The following NUP88 variants were observed in gnomAD, a reference collection of about 807,000 sequenced individuals.
The protein encoded by NUP88 is nucleoporin 88, also known as nuclear pore complex protein Nup88.
In NUP88, 57 loss-of-function variants were observed where a neutral mutation model predicts 93.9. The observed-to-expected ratio is 0.61, with a 90% CI of 0.49 to 0.76. The LOEUF (loss-of-function observed/expected upper bound fraction) is 0.76, where lower values mean the gene tolerates loss of function less well. NUP88 is among the 30% of genes least tolerant of loss of function. The probability of loss-of-function intolerance (pLI) is 0.00; values close to 1 mark genes in which losing one functional copy is unlikely to be tolerated. For synonymous variants in NUP88, 346 were observed against 336.8 expected (o/e 1.03, Z -0.30); for missense variants, 911 against 901.0 (o/e 1.01, Z -0.14).
intron 3 of NUP88, among the ~76,000 whole-genome samples, chr17:5,413,355 G>C (rs1386674980): frequency 6.6e-6 from 1 of 152,238 alleles, no homozygotes; most frequent in East Asian, 1.9e-4. Flanking sequence ...ACATCATTAA[G>C]GGGTGAGTCA....
intron 9 of NUP88, 94 bp from the exon 10 acceptor site, chr17:5,391,756 G>T: frequency 2.0e-6 from 2 of 988,820 alleles, no homozygotes; most frequent in East Asian, 2.6e-5. Flanking sequence ...CTCAGGCCTG[G>T]GCTGAAGTTG....
intron 4 of NUP88, among the ~76,000 whole-genome samples, chr17:5,409,923 T>G (rs1267336400): frequency 1.3e-5 from 2 of 152,098 alleles, no homozygotes; most frequent in African/African-American, 4.8e-5. Context: ...GTGCTTAATG[T>G]CTGTGGAATG....
At chr17:5,391,334 G>A in intron 10 of NUP88, 1 of 454,152 alleles carries the variant, frequency 2.2e-6, no homozygotes, top group Non-Finnish European at 4.0e-6. Context: ...CTGAAGAAAA[G>A]CTCCTGACTC....
intron 10 of NUP88, among the ~76,000 whole-genome samples, chr17:5,390,162 T>TG (rs1912320655): frequency 1.3e-5 from 1 of 74,892 alleles, no homozygotes; most frequent in Non-Finnish European, 2.5e-5. Flanking sequence ...AAACTCCGTC[T>TG]CAAAAAAAAA....
intron 5 of NUP88, among the ~76,000 whole-genome samples, chr17:5,407,818 T>C (rs1451451705): frequency 6.6e-6 from 1 of 152,230 alleles, no homozygotes; most frequent in Non-Finnish European, 1.5e-5. Flanking sequence ...TTTGTTGTTA[T>C]CTACTGTGTT....
chr17:5,415,571 A>G (rs1463627531), intron 2 of NUP88, among the ~76,000 whole-genome samples: 1 of 152,230 alleles, frequency 6.6e-6, no homozygotes, highest in African/African-American at 2.4e-5. Flanking sequence ...TCTACCTTAT[A>G]CAGATGATCC....
chr17:5,412,634 C>A (rs1238823872), intron 3 of NUP88, among the ~76,000 whole-genome samples: 1 of 151,954 alleles, frequency 6.6e-6, no homozygotes, highest in Non-Finnish European at 1.5e-5. Flanking sequence ...GGAAGTTCAA[C>A]ACTGCCCTCC....
intron 7 of NUP88, among the ~76,000 whole-genome samples, chr17:5,399,959 T>C (rs1165346123): frequency 6.6e-6 from 1 of 152,138 alleles, no homozygotes; most frequent in Non-Finnish European, 1.5e-5. Context: ...ACGTTATGTT[T>C]ACACTATGCA....
chr17:5,411,518 C>T (rs1419654363), intron 3 of NUP88, among the ~76,000 whole-genome samples: 1 of 148,776 alleles, frequency 6.7e-6, no homozygotes, highest in African/African-American at 2.5e-5. Context: ...GAGCTGGAGG[C>T]TGGAGTGAGC....
intron 8 of NUP88, among the ~76,000 whole-genome samples, chr17:5,398,879 C>CCG (rs1382523910): frequency 1.0e-4 from 15 of 148,496 alleles, no homozygotes; most frequent in African/African-American, 2.5e-4. Flanking sequence ...GCATGAGCCA[C>CCG]TGCACCCAGC....
Position 5,402,886 on chromosome 17 carries a change from C to T in NUP88, c.1192+1213G>A, listed in dbSNP as rs774541886. On this transcript the variant is annotated intron_variant, in intron 7 of 16. Transcript: ENST00000573584. The stretch of plus-strand genomic sequence containing the variant: ...GTGCACACCTGTAGTCCCAGCTACT[C>T]CAGAGGCTGAGGTGAGAGGATTGCT... Among the ~76,000 whole-genome samples, 27 of 151,850 alleles carry T rather than the reference C, an allele frequency of 1.8e-4. 1 individual carries two copies. The highest frequency in any genetic ancestry group is 1.6e-4 in the Non-Finnish European group (11 of 67,918).
chr17:5,393,685 C>T (rs1052971706), intron 9 of NUP88, among the ~76,000 whole-genome samples: 7 of 152,222 alleles, frequency 4.6e-5, no homozygotes, highest in Middle Eastern at 3.4e-3. Context: ...ATCCACCCAC[C>T]TCGATCTCCC....
At chr17:5,402,464 A>G (rs927857184) in intron 7 of NUP88, among the ~76,000 whole-genome samples, 12 of 152,228 alleles carry the variant, frequency 7.9e-5, no homozygotes, top group Admixed American at 2.6e-4. Context: ...CATCTATAAA[A>G]TTCTTAGACA....
chr17:5,406,742 C>T (rs1235295415), intron 5 of NUP88, among the ~76,000 whole-genome samples: 1 of 150,504 alleles, frequency 6.6e-6, no homozygotes, highest in Non-Finnish European at 1.5e-5. Flanking sequence ...AGAAAATACA[C>T]TAACAATACG....
intron 7 of NUP88, among the ~76,000 whole-genome samples, chr17:5,403,712 T>C (rs138654072): frequency 1.6e-4 from 25 of 152,102 alleles, no homozygotes; most frequent in African/African-American, 6.0e-4. Flanking sequence ...TGGACACAGG[T>C]TGATTCAGCA....
In NUP88 at chr17:5,386,134, C is replaced by A. The variant is rs1911942006; in HGVS notation, c.*72G>T. 8.9e-7 allele frequency: 1 copy of A among 1,120,076 alleles called. No homozygotes were observed. The allele number at this position is 1,120,076 out of a possible 1,614,324, so 69.4% of individuals were successfully genotyped here. ...ACACCTTTTTATAAATTAGATAATT[C>A]TACCTGTTTTACAATATGGGTTTAA... On this transcript the variant is annotated 3_prime_UTR_variant, in exon 17 of 17. Coordinates refer to ENST00000573584, the MANE Select transcript of NUP88 (RefSeq NM_002532.6).
At position 5,387,863 on chromosome 17, in the gene NUP88, A is replaced by T; in HGVS notation, c.1685T>A (p.Leu562His). ...KDIAPPPEEC[L>H]QLLSRATQVF... ...CTGGGTGGCTCTGCTGAGGAGCTGA[A>T]GGCATTCTTCAGGAGGAGGGGCTAT... The change falls in exon 12 of 17, where the codon CTT becomes CAT. Residue 562 changes from leucine (L) to histidine (H), a missense_variant. By Grantham distance (99) the Leu-to-His change is moderately conservative (BLOSUM62 -3). Coordinates refer to ENST00000573584, the MANE Select transcript of NUP88 (RefSeq NM_002532.6). 3.7e-6 allele frequency: 6 copies of T among 1,614,042 alleles called. No individual in the cohort carries two copies. The highest frequency in any genetic ancestry group is 5.1e-6 in the Non-Finnish European group (6 of 1,179,904).
At chr17:5,415,247 T>C (rs1017333992) in intron 2 of NUP88, among the ~76,000 whole-genome samples, 1 of 152,090 alleles carries the variant, frequency 6.6e-6, no homozygotes, top group African/African-American at 2.4e-5. Context: ...CTCAAGCTCC[T>C]GAGCTCAGGT....
At chr17:5,409,477 T>C (rs1913700716) in intron 4 of NUP88, among the ~76,000 whole-genome samples, 1 of 151,726 alleles carries the variant, frequency 6.6e-6, no homozygotes, top group Non-Finnish European at 1.5e-5. Flanking sequence ...AATACACAGA[T>C]ATACAAATAG....
Sources: gnomAD v4.1 joint callset for allele counts (sites outside exome capture counted in the v4.1 genomes callset) on GRCh38, gnomAD v4.1.1 for gene constraint, MANE v1.5 for transcripts, NCBI Gene and HGNC (gene_info 2026-07-23, HGNC 2026-07-21) for gene names.